Variants in ADAMTSL1 observed in about 807,000 individuals in gnomAD.
The protein encoded by ADAMTSL1 is ADAMTS-like protein 1.
A neutral mutation model predicts 201.8 loss-of-function variants in ADAMTSL1; 126 were observed. That is an observed-to-expected ratio of 0.62 (90% CI 0.54 to 0.72). The LOEUF is 0.72. ADAMTSL1 is among the 30% of genes least tolerant of loss of function. ADAMTSL1 has a pLI of 0.00. For synonymous variants in ADAMTSL1, 1,121 were observed against 903.4 expected (o/e 1.24, Z -4.32); for missense variants, 2,679 against 2,277.8 (o/e 1.18, Z -3.59).
intron 2 of ADAMTSL1, among the ~76,000 whole-genome samples, chr9:18,174,936 A>G (rs1364242651): frequency 6.6e-6 from 1 of 152,210 alleles, no homozygotes; most frequent in African/African-American, 2.4e-5. Flanking sequence ...TTCAGTTTCA[A>G]CTTGATGTTG....
intron 1 of ADAMTSL1, among the ~76,000 whole-genome samples, chr9:18,007,734 A>G (rs1819886776): frequency 6.6e-6 from 1 of 151,954 alleles, no homozygotes; most frequent in African/African-American, 2.4e-5. Flanking sequence ...TAATTAAGCT[A>G]AATGTTCTGA....
chr9:18,099,353 A>AT (rs1241498568), intron 1 of ADAMTSL1, among the ~76,000 whole-genome samples: 195 of 45,848 alleles, frequency 4.3e-3, no homozygotes, highest in Middle Eastern at 0.018. Flanking sequence ...ATATATATAT[A>AT]TATTTTTTTT....
At chr9:18,014,069 A>T (rs1467655005) in intron 1 of ADAMTSL1, among the ~76,000 whole-genome samples, 1 of 152,014 alleles carries the variant, frequency 6.6e-6, no homozygotes. Flanking sequence ...GCAATACTGC[A>T]TAGCAGATTA....
intron 4 of ADAMTSL1, among the ~76,000 whole-genome samples, chr9:18,598,986 C>A (rs1053544569): frequency 1.3e-5 from 2 of 152,152 alleles, no homozygotes; most frequent in African/African-American, 4.8e-5. Context: ...ATACTGTCCT[C>A]TCTGCCCCAC....
chr9:17,978,695 A>G (rs1167683635), intron 1 of ADAMTSL1, among the ~76,000 whole-genome samples: 1 of 152,208 alleles, frequency 6.6e-6, no homozygotes. Context: ...TATCAGAGTT[A>G]AAAATGACTT....
At chr9:18,797,781 C>T (rs114875684) in intron 20 of ADAMTSL1, among the ~76,000 whole-genome samples, 1,696 of 152,194 alleles carry the variant, frequency 0.011, 31 homozygotes, top group African/African-American at 0.035. Context: ...TAAGATTGCA[C>T]GTGTGAAAAA....
At chr9:18,763,673 A>T (rs190554700) in intron 16 of ADAMTSL1, among the ~76,000 whole-genome samples, 1 of 152,184 alleles carries the variant, frequency 6.6e-6, no homozygotes, top group African/African-American at 2.4e-5. Context: ...ATGGCAAGAG[A>T]TAGGGGTCTA....
intron 2 of ADAMTSL1, among the ~76,000 whole-genome samples, chr9:18,272,801 A>G (rs1832433023): frequency 6.6e-6 from 1 of 152,040 alleles, no homozygotes; most frequent in Non-Finnish European, 1.5e-5. Flanking sequence ...CTCAATTTCC[A>G]TCTCCTCCGT....
At chr9:18,719,795 A>C (rs560729508) in intron 14 of ADAMTSL1, among the ~76,000 whole-genome samples, 57 of 152,304 alleles carry the variant, frequency 3.7e-4, no homozygotes, top group Middle Eastern at 6.8e-3. Flanking sequence ...ACATCAACCT[A>C]GGAAGTATTA....
chr9:18,474,066 CCCCACCCATCCA>C (rs1284779083), upstream of ADAMTSL1: 7 of 587,490 alleles, frequency 1.2e-5, no homozygotes, highest in Non-Finnish European at 2.1e-5. Flanking sequence ...TCAGCTTACC[CCCCACCCATCCA>C]CCCACCCACC....
intron 23 of ADAMTSL1, among the ~76,000 whole-genome samples, chr9:18,852,831 TTGTAAAC>T (rs766502587): frequency 6.0e-4 from 92 of 152,292 alleles, no homozygotes; most frequent in Non-Finnish European, 9.0e-4. Flanking sequence ...TAAAAACAGT[TTGTAAAC>T]TGTAAAGTAC....
chr9:18,791,868 T>C (rs1336845420), intron 19 of ADAMTSL1, among the ~76,000 whole-genome samples: 1 of 152,228 alleles, frequency 6.6e-6, no homozygotes, highest in Non-Finnish European at 1.5e-5. Context: ...CTCTGTGCCC[T>C]CTGTGATGGA....
At chr9:18,765,477 T>A (rs558419104) in intron 16 of ADAMTSL1, among the ~76,000 whole-genome samples, 1 of 140,048 alleles carries the variant, frequency 7.1e-6, no homozygotes, top group African/African-American at 2.7e-5. Context: ...ATACACTGCA[T>A]TTTCAACAGT....
chr9:18,200,112 C>G (rs759966044), intron 2 of ADAMTSL1, among the ~76,000 whole-genome samples: 13 of 151,844 alleles, frequency 8.6e-5, no homozygotes, highest in Non-Finnish European at 1.5e-4. Context: ...AACTTCAGGA[C>G]TATGTAATAT....
rs186750901 is a variant in ADAMTSL1, at chr9:18,525,181, T to G, written c.192-8066T>G. 1.1e-3 allele frequency among the ~76,000 whole-genome samples: 160 copies of G among 152,318 alleles called. 2 individuals are homozygous for G. The highest frequency in any genetic ancestry group is 3.4e-3 in the African/African-American group (142 of 41,572). ...TGGTTTAGTCTTGGGAGGGTGTATG[T>G]GTCCAGGAATTTATCCACTTCTTCT... On this transcript the variant is annotated intron_variant, in intron 2 of 28. Transcript: ENST00000380548.
At chr9:18,519,754 C>G (rs1818570912) in intron 2 of ADAMTSL1, among the ~76,000 whole-genome samples, 2 of 152,160 alleles carry the variant, frequency 1.3e-5, no homozygotes, top group African/African-American at 4.8e-5. Context: ...GAAGCACTGC[C>G]CAGGACTCAC....
At chr9:18,025,923 T>C (rs1820673428) in intron 1 of ADAMTSL1, among the ~76,000 whole-genome samples, 1 of 152,142 alleles carries the variant, frequency 6.6e-6, no homozygotes, top group African/African-American at 2.4e-5. Flanking sequence ...TCACCTATGA[T>C]TTCTTTCAGC....
intron 2 of ADAMTSL1, among the ~76,000 whole-genome samples, chr9:18,202,538 T>C (rs1235012719): frequency 1.3e-5 from 2 of 152,208 alleles, no homozygotes; most frequent in Non-Finnish European, 2.9e-5. Context: ...CACTGGCATG[T>C]TATTCTGTCT....
At chr9:18,037,941 G>C (rs1279312946) in intron 1 of ADAMTSL1, among the ~76,000 whole-genome samples, 1 of 122,892 alleles carries the variant, frequency 8.1e-6, no homozygotes, top group East Asian at 2.0e-4. Context: ...TTTTGGATTT[G>C]TCTGGTCTGG....
Sources: allele counts gnomAD v4.1 joint callset (sites outside exome capture counted in the v4.1 genomes callset), GRCh38; gene constraint gnomAD v4.1.1; transcripts MANE v1.5; gene names NCBI Gene and HGNC (gene_info 2026-07-23, HGNC 2026-07-21).